The following RAPGEF6 variants were observed in gnomAD, a reference collection of about 807,000 sequenced individuals.
RAPGEF6 encodes Rap guanine nucleotide exchange factor 6.
A neutral mutation model predicts 171.4 loss-of-function variants in RAPGEF6; 56 were observed. The ratio of observed to expected loss-of-function variants is 0.33; its 90% CI spans 0.26 to 0.41. The LOEUF (loss-of-function observed/expected upper bound fraction) is 0.41, where lower values mean the gene tolerates loss of function less well. Among genes scored for constraint, RAPGEF6 ranks in the 10% least tolerant of loss-of-function variants. The pLI, the probability that RAPGEF6 is intolerant of heterozygous loss-of-function variation, is 1.00. For missense variants in RAPGEF6, 1,674 were observed against 1,921.4 expected, an observed-to-expected ratio of 0.87 and a Z score of 2.41; for synonymous variants, 692 against 650.1, an observed-to-expected ratio of 1.06 and a Z score of -0.98.
At chr5:131,447,861 A>G (rs1436745632) in intron 21 of RAPGEF6, among the ~76,000 whole-genome samples, 1 of 152,164 alleles carries the variant, frequency 6.6e-6, no homozygotes, top group Non-Finnish European at 1.5e-5. Context: ...GGCAACTTTC[A>G]ATTGCTATTG....
chr5:131,585,780 C>T (rs962782667), intron 4 of RAPGEF6, among the ~76,000 whole-genome samples: 1 of 152,064 alleles, frequency 6.6e-6, no homozygotes, highest in Non-Finnish European at 1.5e-5. Context: ...GAGCCAAGAT[C>T]GCGCCATTGC....
chr5:131,581,628 C>T (rs1762967549), intron 4 of RAPGEF6, among the ~76,000 whole-genome samples: 1 of 152,082 alleles, frequency 6.6e-6, no homozygotes, highest in Non-Finnish European at 1.5e-5. Context: ...CCCCTCCATA[C>T]CGCCCCCAAA....
At chr5:131,556,436 A>C (rs2149960363) in intron 5 of RAPGEF6, among the ~76,000 whole-genome samples, 1 of 152,176 alleles carries the variant, frequency 6.6e-6, no homozygotes, top group Admixed American at 6.5e-5. Context: ...AGAAAAGACC[A>C]CTAGTAACAC....
At chr5:131,485,215 C>G (rs1196200959) in intron 15 of RAPGEF6, among the ~76,000 whole-genome samples, 3 of 152,148 alleles carry the variant, frequency 2.0e-5, no homozygotes, top group Non-Finnish European at 4.4e-5. Context: ...GCATGAGCCA[C>G]CATGCTTGGC....
At chr5:131,440,797 C>T (rs543218132) in intron 23 of RAPGEF6, among the ~76,000 whole-genome samples, 2 of 151,014 alleles carry the variant, frequency 1.3e-5, no homozygotes, top group South Asian at 2.1e-4. Flanking sequence ...AGTAATGCTT[C>T]CTCTCAAGTG....
intron 24 of RAPGEF6, among the ~76,000 whole-genome samples, chr5:131,437,451 T>C (rs983826992): frequency 6.6e-6 from 1 of 151,736 alleles, no homozygotes; most frequent in African/African-American, 2.4e-5. Context: ...GGGTAAGGAG[T>C]GTAAAGGTGT....
intron 6 of RAPGEF6, among the ~76,000 whole-genome samples, chr5:131,543,545 ATAT>A (rs1267783748): frequency 6.6e-6 from 1 of 152,176 alleles, no homozygotes; most frequent in Non-Finnish European, 1.5e-5. Context: ...GAATCTATAG[ATAT>A]TATTGAGTGA....
intron 6 of RAPGEF6, among the ~76,000 whole-genome samples, chr5:131,544,546 G>A (rs1244969932): frequency 1.3e-5 from 2 of 152,064 alleles, no homozygotes; most frequent in African/African-American, 2.4e-5. Context: ...CTTGAGGATG[G>A]GTATTTAGAA....
chr5:131,480,996 A>G (rs1170105251), intron 15 of RAPGEF6, among the ~76,000 whole-genome samples: 4 of 151,614 alleles, frequency 2.6e-5, no homozygotes, highest in African/African-American at 9.7e-5. Flanking sequence ...CAATGGCGCA[A>G]TCTTGGCTCA....
intron 4 of RAPGEF6, among the ~76,000 whole-genome samples, chr5:131,589,452 G>A (rs1158464828): frequency 2.0e-5 from 3 of 152,216 alleles, no homozygotes; most frequent in South Asian, 4.2e-4. Flanking sequence ...TGGGGGAGAG[G>A]GTAAGAACTC....
At chr5:131,594,737 C>A (rs929843986) in intron 3 of RAPGEF6, among the ~76,000 whole-genome samples, 1 of 152,168 alleles carries the variant, frequency 6.6e-6, no homozygotes. Flanking sequence ...TCAGGGTGCC[C>A]TGGATGTGAG....
intron 16 of RAPGEF6, among the ~76,000 whole-genome samples, chr5:131,477,363 A>C (rs1755169018): frequency 6.6e-6 from 1 of 152,262 alleles, no homozygotes. Flanking sequence ...AAACTTCTGC[A>C]GTGCAGCATT....
At chr5:131,475,852 A>G (rs1490454324) in intron 16 of RAPGEF6, among the ~76,000 whole-genome samples, 3 of 152,156 alleles carry the variant, frequency 2.0e-5, no homozygotes, top group Non-Finnish European at 2.9e-5. Context: ...TTTCTATGAC[A>G]ACTCATCCTC....
At chr5:131,557,794 A>G (rs979366702) in intron 5 of RAPGEF6, among the ~76,000 whole-genome samples, 2 of 152,172 alleles carry the variant, frequency 1.3e-5, no homozygotes, top group Non-Finnish European at 2.9e-5. Flanking sequence ...CTTTAATTAT[A>G]TCAATGTAGT....
At chr5:131,514,523 A>G (rs539911871) in intron 7 of RAPGEF6, among the ~76,000 whole-genome samples, 1 of 152,198 alleles carries the variant, frequency 6.6e-6, no homozygotes, top group African/African-American at 2.4e-5. Context: ...AAACCACTAT[A>G]AAGAGACTCG....
intron 6 of RAPGEF6, among the ~76,000 whole-genome samples, chr5:131,528,498 C>T (rs1160582906): frequency 6.6e-6 from 1 of 150,652 alleles, no homozygotes; most frequent in Non-Finnish European, 1.5e-5. Context: ...TGGAACATTC[C>T]TAACTCATTA....
chr5:131,606,809 G>A (rs542079983), intron 1 of RAPGEF6, among the ~76,000 whole-genome samples: 2 of 152,276 alleles, frequency 1.3e-5, no homozygotes, highest in South Asian at 4.1e-4. Flanking sequence ...CTAGCCTTAG[G>A]GAGGCAGAAA....
At chr5:131,575,579 C>G (rs565166883) in intron 4 of RAPGEF6, among the ~76,000 whole-genome samples, 6 of 152,174 alleles carry the variant, frequency 3.9e-5, no homozygotes, top group Admixed American at 6.5e-5. Flanking sequence ...TGCACACTTT[C>G]GCCTTTGGAT....
intron 6 of RAPGEF6, among the ~76,000 whole-genome samples, chr5:131,522,081 T>C (rs547193255): frequency 1.4e-4 from 22 of 152,208 alleles, no homozygotes; most frequent in Non-Finnish European, 2.4e-4. Flanking sequence ...ACACTTAATA[T>C]TGAATTAGCT....
Sources: allele counts gnomAD v4.1 joint callset (sites outside exome capture counted in the v4.1 genomes callset), GRCh38; gene constraint gnomAD v4.1.1; transcripts MANE v1.5; gene names NCBI Gene and HGNC (gene_info 2026-07-23, HGNC 2026-07-21).